The following PTPRD variants were observed in gnomAD, a reference collection of about 807,000 sequenced individuals.
PTPRD encodes the protein receptor-type tyrosine-protein phosphatase delta.
Under a neutral mutation model 214.5 loss-of-function variants are expected in PTPRD, and 34 were observed. The ratio of observed to expected loss-of-function variants is 0.16; its 90% CI spans 0.12 to 0.21. The LOEUF is 0.21. Among genes scored for constraint, PTPRD ranks in the 10% least tolerant of loss-of-function variants. The pLI is 1.00. For missense variants in PTPRD, 2,545 were observed against 2,398.7 expected (o/e 1.06, Z -1.27); for synonymous variants, 1,128 against 845.7 (o/e 1.33, Z -5.79).
At chr9:9,551,379 C>A (rs606365) in intron 8 of PTPRD, among the ~76,000 whole-genome samples, 8 of 151,592 alleles carry the variant, frequency 5.3e-5, no homozygotes, top group African/African-American at 1.9e-4. Flanking sequence ...GTTATCTATT[C>A]GAATATTCTA....
intron 5 of PTPRD, among the ~76,000 whole-genome samples, chr9:9,804,620 T>C (rs2153520329): frequency 6.6e-6 from 1 of 152,180 alleles, no homozygotes; most frequent in Non-Finnish European, 1.5e-5. Flanking sequence ...ACTGAATTCA[T>C]ACATAAAATT....
intron 7 of PTPRD, among the ~76,000 whole-genome samples, chr9:9,714,696 G>C (rs1454509354): frequency 1.3e-5 from 2 of 152,174 alleles, no homozygotes; most frequent in African/African-American, 4.8e-5. Flanking sequence ...GAGTGGTGGA[G>C]CTGATCATAC....
chr9:10,031,461 C>A (rs1420102412), intron 4 of PTPRD, among the ~76,000 whole-genome samples: 1 of 151,274 alleles, frequency 6.6e-6, no homozygotes, highest in Non-Finnish European at 1.5e-5. Flanking sequence ...GTCCCAGCCT[C>A]CCAGCCTACA....
At chr9:9,447,600 T>A (rs2090871526) in intron 8 of PTPRD, among the ~76,000 whole-genome samples, 2 of 151,970 alleles carry the variant, frequency 1.3e-5, no homozygotes, top group African/African-American at 4.8e-5. Flanking sequence ...TGAAATAATC[T>A]ATGCAACAAG....
At chr9:8,625,855 G>A (rs536096700) in intron 14 of PTPRD, among the ~76,000 whole-genome samples, 18 of 149,370 alleles carry the variant, frequency 1.2e-4, no homozygotes, top group Non-Finnish European at 1.9e-4. Context: ...ACTATTCCCC[G>A]ATTGCCCAGT....
At chr9:8,969,425 G>C (rs2099222291) in intron 11 of PTPRD, among the ~76,000 whole-genome samples, 1 of 152,024 alleles carries the variant, frequency 6.6e-6, no homozygotes, top group Non-Finnish European at 1.5e-5. Context: ...ATGCACAGAA[G>C]TTCATTAGTA....
intron 9 of PTPRD, among the ~76,000 whole-genome samples, chr9:9,327,772 T>A (rs1222620018): frequency 1.3e-5 from 2 of 152,096 alleles, no homozygotes; most frequent in Non-Finnish European, 2.9e-5. Flanking sequence ...ATTAAGTCCA[T>A]CTTCAGCATA....
chr9:8,660,574 G>T (rs566557099), intron 12 of PTPRD, among the ~76,000 whole-genome samples: 1 of 152,132 alleles, frequency 6.6e-6, no homozygotes, highest in South Asian at 2.1e-4. Context: ...TCCCCAGCTG[G>T]CTCCCAGCCC....
chr9:9,825,966 A>C (rs1482798177), intron 5 of PTPRD, among the ~76,000 whole-genome samples: 1 of 151,654 alleles, frequency 6.6e-6, no homozygotes, highest in Non-Finnish European at 1.5e-5. Flanking sequence ...GATATCCTTA[A>C]GTACATGAAA....
chr9:10,161,717 C>A (rs552873002), intron 3 of PTPRD, among the ~76,000 whole-genome samples: 157 of 151,678 alleles, frequency 1.0e-3, no homozygotes, highest in African/African-American at 3.6e-3. Flanking sequence ...AGCTAAAAAC[C>A]TTTTGCACAA....
At chr9:10,592,718 G>T (rs1050453468) in intron 2 of PTPRD, among the ~76,000 whole-genome samples, 1 of 151,952 alleles carries the variant, frequency 6.6e-6, no homozygotes, top group Admixed American at 6.6e-5. Flanking sequence ...ACCAATCAGC[G>T]CTTTGTAGCT....
chr9:8,930,976 T>C (rs1370643091), intron 11 of PTPRD, among the ~76,000 whole-genome samples: 2 of 152,180 alleles, frequency 1.3e-5, no homozygotes, highest in African/African-American at 2.4e-5. Context: ...TGAGATCCCA[T>C]TTGTCAATTT....
At chr9:8,715,859 C>T (rs1394127807) in intron 12 of PTPRD, among the ~76,000 whole-genome samples, 1 of 152,184 alleles carries the variant, frequency 6.6e-6, no homozygotes, top group Non-Finnish European at 1.5e-5. Flanking sequence ...GTTTAGCCTT[C>T]AGACAATTCA....
intron 3 of PTPRD, among the ~76,000 whole-genome samples, chr9:10,291,429 T>C (rs1319658397): frequency 6.6e-6 from 1 of 152,042 alleles, no homozygotes; most frequent in African/African-American, 2.4e-5. Flanking sequence ...AGGGAAGATA[T>C]TGAGATGGGA....
At chr9:9,410,369 A>T (rs2074997011) in intron 8 of PTPRD, among the ~76,000 whole-genome samples, 1 of 152,240 alleles carries the variant, frequency 6.6e-6, no homozygotes, top group East Asian at 1.9e-4. Context: ...TTAGACATAT[A>T]CATCAAAAGA....
At chr9:10,608,499 A>G (rs1172834942) in intron 2 of PTPRD, among the ~76,000 whole-genome samples, 1 of 152,092 alleles carries the variant, frequency 6.6e-6, no homozygotes, top group Non-Finnish European at 1.5e-5. Flanking sequence ...CCTCTTTCAA[A>G]CAAGATGGCT....
chr9:10,477,299 A>C lies in PTPRD; in HGVS notation c.-600+135099T>G, dbSNP rs549772687. Among the ~76,000 whole-genome samples the C allele has an allele frequency of 3.3e-5, 5 of 152,286 alleles. No homozygotes were observed. The East Asian group carries it at 7.7e-4, about 24-fold the overall frequency. ...ACAAATTTACAAGAAAAAAATAAAC[A>C]ACCCCATCAAAGAGTGGGTGAAATT... On this transcript the variant is annotated intron_variant, in intron 2 of 45. Transcript: ENST00000381196.
At chr9:8,822,929 C>T (rs2097100975) in intron 11 of PTPRD, among the ~76,000 whole-genome samples, 1 of 152,146 alleles carries the variant, frequency 6.6e-6, no homozygotes, top group Admixed American at 6.5e-5. Context: ...GCCCAGTGTT[C>T]ACACAGCCCA....
At chr9:8,874,433 A>G (rs1271217303) in intron 11 of PTPRD, among the ~76,000 whole-genome samples, 1 of 152,192 alleles carries the variant, frequency 6.6e-6, no homozygotes, top group Non-Finnish European at 1.5e-5. Flanking sequence ...GCCTAGTTGC[A>G]GAGTCTAATT....
Sources: gnomAD v4.1 joint callset for allele counts (sites outside exome capture counted in the v4.1 genomes callset) on GRCh38, gnomAD v4.1.1 for gene constraint, MANE v1.5 for transcripts, NCBI Gene and HGNC (gene_info 2026-07-23, HGNC 2026-07-21) for gene names.